SYNE1: variants seen among roughly 807,000 people sequenced by gnomAD.
The protein encoded by SYNE1 is spectrin repeat containing nuclear envelope protein 1.
In SYNE1, 616 loss-of-function variants were observed where a neutral mutation model predicts 1,111.0. The ratio of observed to expected loss-of-function variants is 0.55; its 90% CI spans 0.52 to 0.59. SYNE1 has a LOEUF of 0.59. Among genes scored for constraint, SYNE1 ranks in the 20% least tolerant of loss-of-function variants. The pLI is 0.00. For missense variants in SYNE1, 10,006 were observed against 10,417.0 expected (o/e 0.96, Z 1.72); for synonymous variants, 3,855 against 3,825.8 (o/e 1.01, Z -0.28).
rs749614207 is a variant in SYNE1, at chr6:152,381,191, T to C, written c.8824A>G (p.Ser2942Gly). The change falls in exon 56 of 146, where the codon AGC (serine) becomes GGC (glycine). Residue 2942 changes from serine to glycine, a missense_variant. Ser to Gly is a moderately conservative substitution (Grantham distance 56). Coordinates refer to ENST00000367255, the MANE Select transcript of SYNE1 (RefSeq NM_182961.4). Reference sequence around the variant, plus strand: ...TGGCTGACCAGGTTCTCCAAACAGCTCTGCGTTTGGAATACACTGTCTTCC... The same window carrying C: ...TGGCTGACCAGGTTCTCCAAACAGCCCTGCGTTTGGAATACACTGTCTTCC... ...QWEDSVFQTQ[S>G]CLENLVSQMA... 1 of 1,614,208 alleles carries C rather than the reference T, an allele frequency of 6.2e-7. No individual in the cohort carries two copies. The highest frequency in any genetic ancestry group is 1.1e-5 in the South Asian group (1 of 91,086).
chr6:152,527,466 T>C (rs1409791950), intron 4 of SYNE1, among the ~76,000 whole-genome samples: 5 of 152,192 alleles, frequency 3.3e-5, no homozygotes, highest in Non-Finnish European at 7.3e-5. Flanking sequence ...AAAAATGTAA[T>C]AGTGACTTTA....
chr6:152,128,565 A>G (rs915076665), intron 145 of SYNE1: 3 of 152,256 alleles, frequency 2.0e-5, no homozygotes, highest in Non-Finnish European at 2.9e-5. Flanking sequence ...ATCTGACTTT[A>G]AACAACAACA....
intron 58 of SYNE1, among the ~76,000 whole-genome samples, chr6:152,373,664 G>C (rs1198441690): frequency 8.3e-6 from 1 of 121,028 alleles, no homozygotes; most frequent in Non-Finnish European, 1.9e-5. Flanking sequence ...TCCTTTAATA[G>C]TCAAGTTGCA....
rs1043211629 is a variant in SYNE1 at position 152,240,548 on chromosome 6, T to C, written c.19894-842A>G. On this transcript the variant is annotated intron_variant, in intron 107 of 145. Coordinates refer to ENST00000367255, the MANE Select transcript of SYNE1 (RefSeq NM_182961.4). ...TTTGTGTATAATAGACCCTGGAGAA[T>C]GGAGATTGAGCTTATCTCATTTCCT... Among the ~76,000 whole-genome samples, 5 of 152,228 alleles carry C rather than the reference T, an allele frequency of 3.3e-5. No homozygotes were observed. In the South Asian group the frequency reaches 1.0e-3, roughly 31 times the overall value.
intron 74 of SYNE1, 68 bp from the exon 75 acceptor site, chr6:152,339,434 T>C (rs2096483681): frequency 6.3e-7 from 1 of 1,594,690 alleles, no homozygotes; most frequent in Non-Finnish European, 8.6e-7. Flanking sequence ...CTTGTATCAT[T>C]TGGAATATTC....
At chr6:152,551,324 G>C (rs1012394464) in intron 3 of SYNE1, among the ~76,000 whole-genome samples, 8 of 152,136 alleles carry the variant, frequency 5.3e-5, no homozygotes, top group Admixed American at 1.3e-4. Flanking sequence ...CAGAAATCTA[G>C]AAACTGGAAT....
intron 5 of SYNE1, 137 bp from the exon 6 acceptor site, chr6:152,520,679 G>T: frequency 1.0e-6 from 1 of 963,890 alleles, no homozygotes; most frequent in Admixed American, 2.1e-5. Flanking sequence ...TTTCTATAAA[G>T]GTTAGCAAAT....
chr6:152,485,017 A>T, intron 12 of SYNE1, 45 bp from the exon 13 acceptor site: 1 of 1,595,748 alleles, frequency 6.3e-7, no homozygotes, highest in Non-Finnish European at 8.5e-7. Flanking sequence ...AGTCAAAAAA[A>T]GCAAAAGCAA....
At chr6:152,632,791 T>C (rs538696318) in intron 2 of SYNE1, among the ~76,000 whole-genome samples, 17 of 152,230 alleles carry the variant, frequency 1.1e-4, no homozygotes, top group Non-Finnish European at 1.5e-4. Flanking sequence ...TAAATTAATT[T>C]TTTTAAAAGA....
chr6:152,375,475 T>C (rs934199628), intron 58 of SYNE1, among the ~76,000 whole-genome samples: 1 of 152,180 alleles, frequency 6.6e-6, no homozygotes, highest in African/African-American at 2.4e-5. Context: ...CTATGTGAAA[T>C]GAGCGGACAT....
chr6:152,218,218 A>G (rs1477162957), intron 121 of SYNE1, 39 bp downstream of exon 121: 2 of 1,610,634 alleles, frequency 1.2e-6, no homozygotes, highest in Non-Finnish European at 1.7e-6. Flanking sequence ...TTGAAGACAG[A>G]TGGTAAAAGA....
At chr6:152,202,436 G>A (rs1251224551) in intron 126 of SYNE1, among the ~76,000 whole-genome samples, 1 of 151,438 alleles carries the variant, frequency 6.6e-6, no homozygotes, top group Non-Finnish European at 1.5e-5. Flanking sequence ...CTCATTGCCA[G>A]GGGAGGCAAC....
At chr6:152,333,584 C>T (rs1256225185) in intron 77 of SYNE1, among the ~76,000 whole-genome samples, 1 of 152,048 alleles carries the variant, frequency 6.6e-6, no homozygotes, top group Non-Finnish European at 1.5e-5. Flanking sequence ...TAATGATGTT[C>T]TACTTACCAA....
intron 16 of SYNE1, among the ~76,000 whole-genome samples, chr6:152,470,292 G>T (rs2098798383): frequency 6.6e-6 from 1 of 152,108 alleles, no homozygotes; most frequent in East Asian, 1.9e-4. Context: ...AAATCTGATT[G>T]GCTGTTCTGA....
intron 82 of SYNE1, among the ~76,000 whole-genome samples, chr6:152,323,030 C>T (rs9479291): frequency 0.52 from 78,947 of 151,962 alleles, 21,052 homozygotes; most frequent in Admixed American, 0.62. Context: ...GTCAGACAAA[C>T]GATTGAAGAG....
At chr6:152,576,150 G>C (rs1194851710) in intron 3 of SYNE1, among the ~76,000 whole-genome samples, 2 of 152,192 alleles carry the variant, frequency 1.3e-5, no homozygotes, top group Admixed American at 6.5e-5. Context: ...ATCTGCGTTA[G>C]CTGCTTGCTT....
Position 152,203,025 on chromosome 6 carries a change from G to T in SYNE1, c.23020-1076C>A, listed in dbSNP as rs147841711. Reference sequence around the variant, plus strand: ...GAGGAATAGGCCAGGGCAGGTGGTAGAGATAGGCAGTATAGAATGAGGTAG... The same window carrying T: ...GAGGAATAGGCCAGGGCAGGTGGTATAGATAGGCAGTATAGAATGAGGTAG... On this transcript the variant is annotated intron_variant, in intron 126 of 145. Transcript: ENST00000367255. Among the ~76,000 whole-genome samples, 16 of 152,320 alleles carry T rather than the reference G, an allele frequency of 1.1e-4. No homozygotes were observed. In the East Asian group the frequency reaches 3.1e-3, roughly 29 times the overall value.
At chr6:152,524,966 C>T (rs1016996353) in intron 5 of SYNE1, among the ~76,000 whole-genome samples, 2 of 152,144 alleles carry the variant, frequency 1.3e-5, no homozygotes, top group African/African-American at 4.8e-5. Context: ...CTCTGTGCAA[C>T]TTGTGCCTTT....
In SYNE1 at chr6:152,456,009, G is replaced by C. The variant is rs114048517; in HGVS notation, c.2604C>G (p.Thr868=). The C allele has an allele frequency of 2.5e-6, 4 of 1,613,862 alleles. No homozygotes were observed. In the African/African-American group the frequency reaches 5.3e-5, roughly 22 times the overall value. ...GACTGCCTTTCTCAATAAGTGTCAA[G>C]GTTTTCTTACAGTTTTCTTGACAAG... The part of the protein sequence containing the change: ...LLACQENCKK[T]LTLIEKGSQS... The change falls in exon 23 of 146, where the codon ACC becomes ACG. Residue 868 remains threonine (T), a synonymous_variant. Coordinates refer to ENST00000367255, the MANE Select transcript of SYNE1 (RefSeq NM_182961.4).
Sources: gnomAD v4.1 joint callset for allele counts (sites outside exome capture counted in the v4.1 genomes callset) on GRCh38, gnomAD v4.1.1 for gene constraint, MANE v1.5 for transcripts, NCBI Gene and HGNC (gene_info 2026-07-23, HGNC 2026-07-21) for gene names.